GPATCH8: variants seen among roughly 807,000 people sequenced by gnomAD.
The protein encoded by GPATCH8 is G-patch domain containing 8.
A neutral mutation model predicts 118.3 loss-of-function variants in GPATCH8; 18 were observed. That is an observed-to-expected ratio of 0.15 (90% CI 0.11 to 0.23). The LOEUF (loss-of-function observed/expected upper bound fraction) is 0.23, where lower values mean the gene tolerates loss of function less well. GPATCH8 is among the 10% of genes least tolerant of loss of function. The pLI is 1.00. For missense variants in GPATCH8, 1,631 were observed against 1,873.8 expected (o/e 0.87, Z 2.39); for synonymous variants, 659 against 684.7 (o/e 0.96, Z 0.59).
At chr17:44,418,917 C>T (rs2049791695) in intron 6 of GPATCH8, among the ~76,000 whole-genome samples, 1 of 152,132 alleles carries the variant, frequency 6.6e-6, no homozygotes, top group African/African-American at 2.4e-5. Flanking sequence ...TGAAAAGAGC[C>T]AAAATACTTA....
At chr17:44,444,593 C>G (rs1251862552) in intron 3 of GPATCH8, among the ~76,000 whole-genome samples, 1 of 152,042 alleles carries the variant, frequency 6.6e-6, no homozygotes, top group Non-Finnish European at 1.5e-5. Flanking sequence ...GCCAACATGG[C>G]AAAACCTCGT....
At chr17:44,423,993 A>G (rs908783610) in intron 6 of GPATCH8, among the ~76,000 whole-genome samples, 4 of 152,246 alleles carry the variant, frequency 2.6e-5, no homozygotes, top group East Asian at 1.9e-4. Context: ...AGTCTGCTGA[A>G]TAACTCTTCA....
intron 5 of GPATCH8, among the ~76,000 whole-genome samples, chr17:44,426,846 ACACTCT>A (rs55824024): frequency 0.48 from 69,857 of 144,822 alleles, 17,277 homozygotes; most frequent in Middle Eastern, 0.59. Flanking sequence ...ACACACACAC[ACACTCT>A]CTCTCTCTCT....
rs2050452173 is a variant in GPATCH8, at chr17:44,435,066, T to C, written c.347A>G (p.Lys116Arg). Residue 116 changes from lysine (K) to arginine (R), a missense_variant and splice_region_variant, in exon 5 of 8, where the codon AAG becomes AGG. This residue lies in a region of GPATCH8 where 81 missense variants were observed against 227.6 expected (regional missense o/e 0.36). Transcript: ENST00000591680. The stretch of plus-strand genomic sequence containing the variant: ...CAATGAATAGCTTTGTTTAAATACC[T>C]TGTACTTTTGTCTCAGCTCTTCTGT... The part of the protein sequence containing the change: ...EDTEELRQKY[K>R]DYVDKEKAIA... The C allele has an allele frequency of 2.3e-6, 3 of 1,286,306 alleles. No individual in the cohort carries two copies. The South Asian group carries it at 3.6e-5, about 15-fold the overall frequency. The allele number at this position is 1,286,306 out of a possible 1,614,324, so 79.7% of individuals were successfully genotyped here. A position where few individuals can be genotyped will look rare whatever the true frequency, so the allele number is the denominator to read the frequency against.
intron 2 of GPATCH8, among the ~76,000 whole-genome samples, chr17:44,474,261 T>C (rs1251975530): frequency 6.6e-6 from 1 of 152,212 alleles, no homozygotes; most frequent in Non-Finnish European, 1.5e-5. Context: ...TATTGCTTGA[T>C]ATCATCAGTG....
At chr17:44,488,460 CT>C (rs1004891669) in intron 1 of GPATCH8, among the ~76,000 whole-genome samples, 79 of 151,976 alleles carry the variant, frequency 5.2e-4, no homozygotes, top group Middle Eastern at 3.4e-3. Context: ...CCTTCGCCCC[CT>C]GGGTTCAAGC....
At chr17:44,496,664 T>C (rs1284808025) in intron 1 of GPATCH8, among the ~76,000 whole-genome samples, 1 of 152,228 alleles carries the variant, frequency 6.6e-6, no homozygotes, top group Non-Finnish European at 1.5e-5. Context: ...TTCCTTACTA[T>C]CTATGGGGCT....
At chr17:44,483,148 C>G (rs1335857718) in intron 1 of GPATCH8, among the ~76,000 whole-genome samples, 3 of 8,872 alleles carry the variant, frequency 3.4e-4, no homozygotes, top group Non-Finnish European at 4.2e-4. Flanking sequence ...GAGTGAGACT[C>G]CGTCTCAAAA....
At chr17:44,494,748 G>C (rs923816062) in intron 1 of GPATCH8, among the ~76,000 whole-genome samples, 3 of 152,144 alleles carry the variant, frequency 2.0e-5, no homozygotes, top group Non-Finnish European at 4.4e-5. Context: ...AACTATAGCT[G>C]AATTAATCTT....
rs398039127 is a variant in GPATCH8, at chr17:44,493,054, G to GTTTTT, written c.45+10267_45+10271dup. Among the ~76,000 whole-genome samples, 7 of 124,404 alleles carry GTTTTT rather than the reference G, an allele frequency of 5.6e-5. 1 individual carries two copies. The highest frequency in any genetic ancestry group is 1.2e-4 in the African/African-American group (4 of 32,540). The allele number at this position is 124,404 out of a possible 152,430, so 81.6% of individuals were successfully genotyped here. Reference sequence around the variant, plus strand: ...TAAACCAATGGTGGTAAGCCATTAGGTTTTTTTTTTTTTTTTTAAGACAGA... The same window carrying GTTTTT: ...TAAACCAATGGTGGTAAGCCATTAGGTTTTTTTTTTTTTTTTTTTTTTAAGACAGA... On this transcript the variant is annotated intron_variant, in intron 1 of 7. Coordinates refer to ENST00000591680, the MANE Select transcript of GPATCH8 (RefSeq NM_001002909.4).
At chr17:44,493,616 G>A (rs1013618343) in intron 1 of GPATCH8, among the ~76,000 whole-genome samples, 1 of 152,136 alleles carries the variant, frequency 6.6e-6, no homozygotes, top group African/African-American at 2.4e-5. Flanking sequence ...AGCCAGGCTC[G>A]ATGGCGTGCA....
chr17:44,395,623 T>G lies in GPATCH8; in HGVS notation c.*1945A>C, dbSNP rs2048751710. On this transcript the variant is annotated 3_prime_UTR_variant, in exon 8 of 8. Transcript: ENST00000591680. ...GTGCTAGTTATCCAAGAAGTGATGC[T>G]TCTGAATCAGATGAGTACTGAACAG... 1 of 454,118 alleles carries G rather than the reference T, an allele frequency of 2.2e-6. No homozygotes were observed. The highest frequency in any genetic ancestry group is 1.6e-5 in the South Asian group (1 of 64,482). 28.1% of individuals were successfully genotyped at this position (454,118 alleles called of 1,614,324 possible).
intron 2 of GPATCH8, among the ~76,000 whole-genome samples, chr17:44,467,413 C>A (rs561977001): frequency 2.0e-5 from 3 of 152,088 alleles, no homozygotes; most frequent in Non-Finnish European, 4.4e-5. Flanking sequence ...TGGCTGTCAC[C>A]TTCTCAGAAA....
chr17:44,397,306 T>TA lies in GPATCH8; in HGVS notation c.*261dup, dbSNP rs78265957. 1.2e-5 allele frequency: 8 copies of TA among 640,780 alleles called. No individual in the cohort carries two copies. In the East Asian group the frequency reaches 2.2e-4, roughly 18 times the overall value. The allele number at this position is 640,780 out of a possible 1,614,324, so 39.7% of individuals were successfully genotyped here. Reference sequence around the variant, plus strand: ...GGAGATGTTGCTGCAGAGGGGTGGGTAGCACTTACTGGTGTTCCCTAGCTT... The same window carrying TA: ...GGAGATGTTGCTGCAGAGGGGTGGGTAAGCACTTACTGGTGTTCCCTAGCTT... On this transcript the variant is annotated 3_prime_UTR_variant, in exon 8 of 8. Coordinates refer to ENST00000591680, the MANE Select transcript of GPATCH8 (RefSeq NM_001002909.4).
intron 1 of GPATCH8, among the ~76,000 whole-genome samples, chr17:44,491,757 A>T (rs1470631056): frequency 1.3e-5 from 2 of 149,572 alleles, no homozygotes; most frequent in Non-Finnish European, 3.0e-5. Flanking sequence ...GGGAGGCTGC[A>T]ATGGGAGGAT....
intron 2 of GPATCH8, chr17:44,465,453 A>G (rs1368406545): frequency 6.6e-6 from 1 of 152,188 alleles, no homozygotes; most frequent in East Asian, 1.9e-4. Flanking sequence ...GGGTCAAGGT[A>G]TTGGAAACAT....
At chr17:44,472,990 G>A (rs552674828) in intron 2 of GPATCH8, among the ~76,000 whole-genome samples, 99 of 151,468 alleles carry the variant, frequency 6.5e-4, no homozygotes, top group Middle Eastern at 3.4e-3. Context: ...CACCGCACCC[G>A]GCCAGACCCT....
chr17:44,459,863 T>A (rs1373337124), intron 3 of GPATCH8, among the ~76,000 whole-genome samples: 1 of 152,174 alleles, frequency 6.6e-6, no homozygotes, highest in Non-Finnish European at 1.5e-5. Flanking sequence ...AGTAAATATG[T>A]GTTGGTTGTC....
chr17:44,415,804 G>A (rs1286473040), intron 6 of GPATCH8, among the ~76,000 whole-genome samples: 4 of 152,186 alleles, frequency 2.6e-5, no homozygotes, highest in African/African-American at 9.7e-5. Context: ...GGGCAGAAAG[G>A]TTGAAACTGT....
Sources: allele counts gnomAD v4.1 joint callset (sites outside exome capture counted in the v4.1 genomes callset), GRCh38; gene constraint gnomAD v4.1.1; regional missense constraint gnomAD v4.1.1; transcripts MANE v1.5; gene names NCBI Gene and HGNC (gene_info 2026-07-23, HGNC 2026-07-21).